Variants in PCDHGA3 observed in about 807,000 individuals in gnomAD.
PCDHGA3 encodes the protein protocadherin gamma-A3.
Under a neutral mutation model 58.5 loss-of-function variants are expected in PCDHGA3, and 40 were observed. The ratio of observed to expected loss-of-function variants is 0.68; its 90% CI spans 0.53 to 0.89. The LOEUF (loss-of-function observed/expected upper bound fraction) is 0.89. Among genes scored for constraint, PCDHGA3 ranks in the 40% least tolerant of loss-of-function variants. The pLI is 0.00. For missense variants in PCDHGA3, 1,223 were observed against 1,195.9 expected (o/e 1.02, Z -0.33); for synonymous variants, 530 against 525.7 (o/e 1.01, Z -0.11).
intron 1 of PCDHGA3, chr5:141,362,323 G>A: frequency 6.2e-7 from 1 of 1,614,082 alleles, no homozygotes; most frequent in East Asian, 2.2e-5. Flanking sequence ...TTTTCAGCCT[G>A]GTCTCAGCTC....
chr5:141,360,606 C>G, intron 1 of PCDHGA3: 1 of 1,613,962 alleles, frequency 6.2e-7, no homozygotes, highest in Middle Eastern at 1.6e-4. Flanking sequence ...TTGACCCAGC[C>G]CTGGATTCAG....
At chr5:141,411,783 G>C (rs1191623081) in intron 1 of PCDHGA3, 1 of 152,338 alleles carries the variant, frequency 6.6e-6, no homozygotes, top group Non-Finnish European at 1.5e-5. Context: ...TCTGGTGGCT[G>C]TGGTGGGAGA....
intron 1 of PCDHGA3, among the ~76,000 whole-genome samples, chr5:141,348,143 G>C (rs1206366041): frequency 1.3e-5 from 2 of 152,142 alleles, no homozygotes; most frequent in Admixed American, 1.3e-4. Flanking sequence ...AATCATATGA[G>C]AGTTATCCAA....
intron 1 of PCDHGA3, chr5:141,388,025 G>A (rs986664863): frequency 6.9e-7 from 1 of 1,447,232 alleles, no homozygotes. Flanking sequence ...GCTCCGTAGT[G>A]GGGAACCTCG....
At chr5:141,445,284 C>A (rs2098462533) in intron 1 of PCDHGA3, among the ~76,000 whole-genome samples, 1 of 152,178 alleles carries the variant, frequency 6.6e-6, no homozygotes, top group African/African-American at 2.4e-5. Flanking sequence ...TGCATAAGTT[C>A]AGGCTTCCAT....
intron 1 of PCDHGA3, among the ~76,000 whole-genome samples, chr5:141,494,341 G>C (rs565090556): frequency 9.2e-5 from 14 of 152,352 alleles, no homozygotes; most frequent in Admixed American, 9.1e-4. Context: ...ACCAAGAACA[G>C]CAGCCATCTT....
chr5:141,510,802 C>T (rs1358684730), intron 3 of PCDHGA3, 145 bp from the exon 4 acceptor site: 1 of 1,497,192 alleles, frequency 6.7e-7, no homozygotes, highest in African/African-American at 1.4e-5. Context: ...AGAGAGACTA[C>T]CTTGGTGACC....
At chr5:141,421,616 AC>A in intron 1 of PCDHGA3, 1 of 1,613,792 alleles carries the variant, frequency 6.2e-7, no homozygotes, top group Non-Finnish European at 8.5e-7. Context: ...ATTAATGATA[AC>A]GCCCCCAGCT....
At chr5:141,383,927 A>C in intron 1 of PCDHGA3, 1 of 1,613,800 alleles carries the variant, frequency 6.2e-7, no homozygotes, top group Non-Finnish European at 8.5e-7. Context: ...GTAAATGATA[A>C]TGCTCCAGAA....
At chr5:141,429,770 A>T (rs2097244120) in intron 1 of PCDHGA3, among the ~76,000 whole-genome samples, 1 of 152,122 alleles carries the variant, frequency 6.6e-6, no homozygotes, top group Admixed American at 6.6e-5. Context: ...CTATATTTTG[A>T]TGGGCTTCCA....
In PCDHGA3 at chr5:141,344,842, A is replaced by T. The variant is rs374930254; in HGVS notation, c.809A>T (p.Asp270Val). The T allele has an allele frequency of 2.5e-6, 4 of 1,613,814 alleles. No homozygotes were observed. The African/African-American group carries it at 5.3e-5, about 22-fold the overall frequency. ...CTCACGGTGAATGCCACTGACCCTG[A>T]CGAGGGATTCAATGCTCAAGTGTCT... ...RLLTVNATDPDEGFNAQVSYI... is the reference protein window; with the variant it reads ...RLLTVNATDPVEGFNAQVSYI... The change falls in exon 1 of 4, where the codon GAC becomes GTC. Residue 270 changes from aspartate (D) to valine (V), a missense_variant. Physicochemically the swap from Asp to Val is radical, Grantham distance 152 (BLOSUM62 -3). Transcript: ENST00000253812.
chr5:141,348,219 G>A (rs1758082316), intron 1 of PCDHGA3, among the ~76,000 whole-genome samples: 1 of 152,158 alleles, frequency 6.6e-6, no homozygotes, highest in African/African-American at 2.4e-5. Context: ...CAATATATTA[G>A]GAAAAGGCAC....
rs150518799 is a variant in PCDHGA3 at position 141,344,974 on chromosome 5, T to C, written c.941T>C (p.Phe314Ser). 1.9e-6 allele frequency: 3 copies of C among 1,613,896 alleles called. No homozygotes were observed. In the African/African-American group the frequency reaches 4.0e-5, roughly 22 times the overall value. Residue 314 changes from phenylalanine (F) to serine (S), a missense_variant, in exon 1 of 4, where the codon TTC (phenylalanine) becomes TCC (serine). Physicochemically the swap from Phe to Ser is radical, Grantham distance 155 (BLOSUM62 -2). Coordinates refer to ENST00000253812, the MANE Select transcript of PCDHGA3 (RefSeq NM_018916.4). ...LKSLDYEDAMFYEIKIEAQDG... is the reference protein window; with the variant it reads ...LKSLDYEDAMSYEIKIEAQDG... ...AGTCTAGATTATGAGGATGCCATGTTCTATGAAATTAAAATTGAAGCACAG... is the reference window on the plus strand; with the variant it reads ...AGTCTAGATTATGAGGATGCCATGTCCTATGAAATTAAAATTGAAGCACAG...
At chr5:141,351,808 C>A in intron 1 of PCDHGA3, 1 of 1,613,306 alleles carries the variant, frequency 6.2e-7, no homozygotes, top group Non-Finnish European at 8.5e-7. Flanking sequence ...AGCGCGCCTT[C>A]GACCACGAGC....
intron 1 of PCDHGA3, chr5:141,394,355 G>C (rs767192511): frequency 4.3e-6 from 7 of 1,614,064 alleles, no homozygotes; most frequent in African/African-American, 1.3e-5. Context: ...CCGGTGTCCT[G>C]TATGCGCTGC....
chr5:141,428,077 A>G (rs2097107152), intron 1 of PCDHGA3: 4 of 1,609,206 alleles, frequency 2.5e-6, no homozygotes, highest in South Asian at 1.1e-5. Flanking sequence ...GATTCGGGAC[A>G]CAACGCTTGG....
chr5:141,485,980 G>C lies in PCDHGA3; in HGVS notation c.2425-8827G>C, dbSNP rs151239937. 1 of 1,614,020 alleles carries C rather than the reference G, an allele frequency of 6.2e-7. No individual in the cohort carries two copies. The highest frequency in any genetic ancestry group is 1.3e-5 in the African/African-American group (1 of 74,914). The stretch of plus-strand genomic sequence containing the variant: ...TCATCCAGCTCAATGCCTCAGACCC[G>C]GACCTGGGTCCCAGTGGTAACGTCA... On this transcript the variant is annotated intron_variant, in intron 1 of 3. Transcript: ENST00000253812. The surrounding 1 kb of genome is among the most constrained non-coding windows in gnomAD (Gnocchi z 5.7).
intron 1 of PCDHGA3, among the ~76,000 whole-genome samples, chr5:141,397,616 T>G (rs918214976): frequency 2.0e-5 from 3 of 152,194 alleles, no homozygotes; most frequent in Non-Finnish European, 4.4e-5. Context: ...AGGGCAATAC[T>G]TAGTTCTAGC....
At position 141,388,343 on chromosome 5, in the gene PCDHGA3, A is replaced by G. The variant is rs2091322753; in HGVS notation, c.2424+41886A>G. ...CTGCACAGCCTGGCACACGATTTAT[A>G]TTAGGATCTGCCCATGATGCGGATA... On this transcript the variant is annotated intron_variant, in intron 1 of 3. Coordinates refer to ENST00000253812, the MANE Select transcript of PCDHGA3 (RefSeq NM_018916.4). 3 of 1,614,008 alleles carry G rather than the reference A, an allele frequency of 1.9e-6. No individual in the cohort carries two copies. The East Asian group carries it at 6.7e-5, about 36-fold the overall frequency.
Sources: gnomAD v4.1 joint callset for allele counts (sites outside exome capture counted in the v4.1 genomes callset) on GRCh38, gnomAD v4.1.1 for gene constraint, Gnocchi (gnomAD v3.1) non-coding constraint, MANE v1.5 for transcripts, NCBI Gene and HGNC (gene_info 2026-07-23, HGNC 2026-07-21) for gene names.